The following KCNAB1 variants were observed in gnomAD, a reference collection of about 807,000 sequenced individuals.
The protein encoded by KCNAB1 is potassium voltage-gated channel subfamily A regulatory beta subunit 1.
In KCNAB1, 35 loss-of-function variants were observed where a neutral mutation model predicts 64.6. That is an observed-to-expected ratio of 0.54 (90% CI 0.41 to 0.72). The LOEUF (loss-of-function observed/expected upper bound fraction) is 0.72, where lower values mean the gene tolerates loss of function less well. Among genes scored for constraint, KCNAB1 ranks in the 30% least tolerant of loss-of-function variants. The probability of loss-of-function intolerance (pLI) is 0.00; values close to 1 mark genes in which losing one functional copy is unlikely to be tolerated. For missense variants in KCNAB1, 401 were observed against 512.9 expected, an observed-to-expected ratio of 0.78 and a Z score of 2.11; for synonymous variants, 177 against 183.8, an observed-to-expected ratio of 0.96 and a Z score of 0.30.
chr3:156,162,239 A>C (rs1377857791), intron 1 of KCNAB1, among the ~76,000 whole-genome samples: 1 of 139,496 alleles, frequency 7.2e-6, no homozygotes, highest in African/African-American at 2.5e-5. Flanking sequence ...TATTTAGGAC[A>C]TATTTATACT....
At chr3:156,296,029 G>A (rs920919218) in intron 1 of KCNAB1, among the ~76,000 whole-genome samples, 2 of 152,132 alleles carry the variant, frequency 1.3e-5, no homozygotes, top group Non-Finnish European at 2.9e-5. Flanking sequence ...TTTCATAGTT[G>A]TGCTTTGTTA....
At chr3:156,260,590 A>G (rs1187565610) in intron 1 of KCNAB1, among the ~76,000 whole-genome samples, 1 of 152,202 alleles carries the variant, frequency 6.6e-6, no homozygotes, top group African/African-American at 2.4e-5. Context: ...ATGTAGTTGC[A>G]TGTATCAGCA....
At chr3:156,239,815 C>G (rs930363421) in intron 1 of KCNAB1, among the ~76,000 whole-genome samples, 10 of 152,194 alleles carry the variant, frequency 6.6e-5, no homozygotes, top group African/African-American at 1.7e-4. Context: ...TCTTCTTCAT[C>G]TTTCATGTCT....
At chr3:156,381,016 G>A (rs1576795978) in intron 1 of KCNAB1, among the ~76,000 whole-genome samples, 1 of 152,088 alleles carries the variant, frequency 6.6e-6, no homozygotes, top group Non-Finnish European at 1.5e-5. Flanking sequence ...GATGTGAGGC[G>A]ATGCATTTGT....
chr3:156,373,515 T>G (rs946699157), intron 1 of KCNAB1, among the ~76,000 whole-genome samples: 8 of 152,260 alleles, frequency 5.3e-5, no homozygotes, highest in Admixed American at 3.9e-4. Flanking sequence ...TTACAGAAGC[T>G]GAAGTGCATT....
intron 1 of KCNAB1, among the ~76,000 whole-genome samples, chr3:156,385,975 A>G (rs906418838): frequency 9.2e-5 from 14 of 152,170 alleles, no homozygotes; most frequent in Non-Finnish European, 2.9e-5. Context: ...AGCAATGGGT[A>G]TTTCAAATAA....
chr3:156,429,812 T>C (rs189096162), intron 2 of KCNAB1, among the ~76,000 whole-genome samples: 96 of 152,320 alleles, frequency 6.3e-4, no homozygotes, highest in African/African-American at 2.1e-3. Flanking sequence ...AAATGCAAGC[T>C]TTCCCTGAAA....
chr3:156,301,470 G>C (rs1318310225), intron 1 of KCNAB1, among the ~76,000 whole-genome samples: 1 of 152,138 alleles, frequency 6.6e-6, no homozygotes, highest in East Asian at 1.9e-4. Flanking sequence ...AGAAATCTTA[G>C]CAGCCTGATT....
At chr3:156,412,207 A>C (rs1236211613) in intron 1 of KCNAB1, among the ~76,000 whole-genome samples, 1 of 152,198 alleles carries the variant, frequency 6.6e-6, no homozygotes, top group Non-Finnish European at 1.5e-5. Context: ...AATACAATTG[A>C]CTTTTATATC....
chr3:156,348,397 G>A (rs761249131), intron 1 of KCNAB1, among the ~76,000 whole-genome samples: 4 of 152,196 alleles, frequency 2.6e-5, no homozygotes, highest in Non-Finnish European at 5.9e-5. Flanking sequence ...AAAGGTTCAG[G>A]GCAGTGGGTG....
intron 1 of KCNAB1, among the ~76,000 whole-genome samples, chr3:156,333,361 C>CAT (rs58352374): frequency 6.6e-6 from 1 of 151,164 alleles, no homozygotes; most frequent in Non-Finnish European, 1.5e-5. Context: ...CACACACACA[C>CAT]GTGTATAGCT....
intron 1 of KCNAB1, among the ~76,000 whole-genome samples, chr3:156,253,453 C>T (rs1484281754): frequency 6.6e-6 from 1 of 152,140 alleles, no homozygotes; most frequent in Non-Finnish European, 1.5e-5. Flanking sequence ...GGGCTGAGTG[C>T]TATTAATCAG....
At chr3:156,119,062 T>C (rs545175897), upstream of KCNAB1, among the ~76,000 whole-genome samples, 4 of 152,340 alleles carry the variant, frequency 2.6e-5, no homozygotes, top group East Asian at 5.8e-4. Context: ...GTTCTAACCC[T>C]AGACTATCCT....
At chr3:156,179,000 C>CAAAAA (rs200144513) in intron 1 of KCNAB1, among the ~76,000 whole-genome samples, 17 of 108,050 alleles carry the variant, frequency 1.6e-4, no homozygotes, top group African/African-American at 7.1e-4. Flanking sequence ...GACTCCGTCT[C>CAAAAA]AAAAAAAAAA....
At chr3:156,158,762 C>T (rs1715904863) in intron 1 of KCNAB1, among the ~76,000 whole-genome samples, 1 of 152,198 alleles carries the variant, frequency 6.6e-6, no homozygotes, top group African/African-American at 2.4e-5. Context: ...TCAAGCCTTC[C>T]TCTCGTCTGC....
intron 2 of KCNAB1, among the ~76,000 whole-genome samples, chr3:156,432,948 T>G (rs144532889): frequency 6.6e-6 from 1 of 152,264 alleles, no homozygotes; most frequent in East Asian, 1.9e-4. Flanking sequence ...GAGGACTGGT[T>G]GGCTGTCCTG....
intron 7 of KCNAB1, among the ~76,000 whole-genome samples, chr3:156,469,179 A>C (rs771729644): frequency 6.6e-6 from 1 of 151,532 alleles, no homozygotes; most frequent in Non-Finnish European, 1.5e-5. Flanking sequence ...TCCTCACTGC[A>C]TCTCCATTGC....
intron 8 of KCNAB1, among the ~76,000 whole-genome samples, chr3:156,491,051 G>C (rs1428343283): frequency 6.6e-6 from 1 of 152,082 alleles, no homozygotes; most frequent in Non-Finnish European, 1.5e-5. Flanking sequence ...AAAATTCTAA[G>C]CAAAAAGATG....
intron 1 of KCNAB1, among the ~76,000 whole-genome samples, chr3:156,393,913 T>C (rs1713238222): frequency 6.6e-6 from 1 of 152,216 alleles, no homozygotes; most frequent in Non-Finnish European, 1.5e-5. Context: ...AAAAGCCTTT[T>C]TAAAATATCT....
Sources: allele counts gnomAD v4.1 joint callset (sites outside exome capture counted in the v4.1 genomes callset), GRCh38; gene constraint gnomAD v4.1.1; transcripts MANE v1.5; gene names NCBI Gene and HGNC (gene_info 2026-07-23, HGNC 2026-07-21).